SEMA3D: variants seen among roughly 807,000 people sequenced by gnomAD.
The protein encoded by SEMA3D is semaphorin 3D.
Under a neutral mutation model 100.1 loss-of-function variants are expected in SEMA3D, and 84 were observed. That is an observed-to-expected ratio of 0.84 (90% CI 0.70 to 1.01). The LOEUF (loss-of-function observed/expected upper bound fraction) is 1.01. SEMA3D is among the 50% of genes least tolerant of loss of function. The probability of loss-of-function intolerance (pLI) is 0.00; values close to 1 mark genes in which losing one functional copy is unlikely to be tolerated. For missense variants in SEMA3D, 875 were observed against 934.1 expected (o/e 0.94, Z 0.82); for synonymous variants, 312 against 320.7 (o/e 0.97, Z 0.29).
chr7:85,029,729 A>G, intron 12 of SEMA3D: 1 of 278,906 alleles, frequency 3.6e-6, no homozygotes, highest in South Asian at 3.8e-5. Context: ...ATTCTTCTAC[A>G]TAGTTAAAAC....
At chr7:85,055,181 G>C (rs900575697) in intron 9 of SEMA3D, among the ~76,000 whole-genome samples, 1 of 152,048 alleles carries the variant, frequency 6.6e-6, no homozygotes, top group African/African-American at 2.4e-5. Context: ...TGCATGTAAT[G>C]ATATATAATT....
intron 12 of SEMA3D, chr7:85,028,254 G>A: frequency 1.4e-6 from 1 of 693,090 alleles, no homozygotes; most frequent in Non-Finnish European, 2.6e-6. Flanking sequence ...CCAATGCTGT[G>A]GTCACAGTGC....
At position 84,998,756 on chromosome 7, in the gene SEMA3D, A is replaced by G. The variant is rs553199199; in HGVS notation, c.*684T>C. ...TAGTATATACTCTAAAAAACACATA[A>G]CTAAGCACCAACTTCTCTCTGTGAA... is the stretch of plus-strand genomic sequence containing the variant. On this transcript the variant is annotated 3_prime_UTR_variant, in exon 19 of 19. Transcript: ENST00000284136. 1 of 152,460 alleles carries G rather than the reference A, an allele frequency of 6.6e-6. No individual in the cohort carries two copies. Among genetic ancestry groups the G allele is most frequent in the African/African-American group, 2.4e-5 (1 of 41,556 alleles). 9.4% of individuals were successfully genotyped at this position (152,460 alleles called of 1,614,324 possible). A position where few individuals can be genotyped will look rare whatever the true frequency, so the allele number is the denominator to read the frequency against.
intron 17 of SEMA3D, among the ~76,000 whole-genome samples, chr7:85,011,912 A>G (rs866628223): frequency 6.6e-6 from 1 of 151,664 alleles, no homozygotes; most frequent in Non-Finnish European, 1.5e-5. Context: ...TAACATTGTG[A>G]TAAATGTGTT....
intron 3 of SEMA3D, 129 bp from the exon 4 acceptor site, chr7:85,098,094 A>G (rs1788624150): frequency 5.1e-6 from 3 of 588,308 alleles, no homozygotes; most frequent in Non-Finnish European, 8.3e-6. Context: ...GAAAGAAAAA[A>G]GAAAGAAAGA....
chr7:85,204,621 A>G, the SEMA3D span, among the ~76,000 whole-genome samples: 3 of 152,072 alleles, frequency 2.0e-5, no homozygotes, highest in South Asian at 2.1e-4. Flanking sequence ...GTTGATTACT[A>G]TGTTCATCAA....
the SEMA3D span, among the ~76,000 whole-genome samples, chr7:85,221,700 T>C: frequency 6.6e-6 from 1 of 152,084 alleles, no homozygotes; most frequent in African/African-American, 2.4e-5. Context: ...CAAATAATGT[T>C]ATGAGTATCT....
chr7:85,171,958 TGG>T lies in SEMA3D; in HGVS notation c.-173+14718_-173+14719del, dbSNP rs571362079. ...CATGCTAAAGCGGTGTGTGTGTGTG[TGG>T]GTGTGTGTGTGGGTGTGTGTGTGTA... is the stretch of plus-strand genomic sequence containing the variant. On this transcript the variant is annotated intron_variant, in intron 1 of 18. Coordinates refer to ENST00000284136, the MANE Select transcript of SEMA3D (RefSeq NM_001384900.1). Among the ~76,000 whole-genome samples, 531 of 150,796 alleles carry T rather than the reference TGG, an allele frequency of 3.5e-3. 8 individuals carry two copies. In the South Asian group the frequency reaches 0.04, roughly 11 times the overall value.
At chr7:85,018,106 C>T in intron 15 of SEMA3D, 146 bp downstream of exon 15, 1 of 652,878 alleles carries the variant, frequency 1.5e-6, no homozygotes, top group Non-Finnish European at 2.8e-6. Flanking sequence ...AAACAATGGT[C>T]TCTAATGAAT....
chr7:85,063,996 G>A (rs1791545657), intron 8 of SEMA3D, among the ~76,000 whole-genome samples: 1 of 152,054 alleles, frequency 6.6e-6, no homozygotes, highest in South Asian at 2.1e-4. Context: ...CCAATTCAAA[G>A]GCTTCCTAAT....
Position 85,145,750 on chromosome 7 carries a change from C to A in SEMA3D, c.-41+7858G>T, listed in dbSNP as rs184362258. On this transcript the variant is annotated intron_variant, in intron 2 of 18. Transcript: ENST00000284136. ...TTGAGATTAAAAACACACTGTCATC[C>A]CTCAAGATTCGTGGGATATTGATTC... 2.2e-3 allele frequency among the ~76,000 whole-genome samples: 333 copies of A among 152,160 alleles called. 2 individuals are homozygous for A. The highest frequency in any genetic ancestry group is 7.9e-3 in the African/African-American group (328 of 41,540).
At chr7:85,236,281 TTTTATTTATTTATTTATTTA>T in the SEMA3D span, among the ~76,000 whole-genome samples, 1 of 131,976 alleles carries the variant, frequency 7.6e-6, no homozygotes, top group Non-Finnish European at 1.5e-5. Context: ...TTTTATTTTA[TTTTATTTATTTATTTATTTA>T]TTTATTTATT....
intron 9 of SEMA3D, among the ~76,000 whole-genome samples, chr7:85,054,566 T>C (rs1353422023): frequency 1.3e-5 from 2 of 152,112 alleles, no homozygotes; most frequent in African/African-American, 2.4e-5. Flanking sequence ...GCTAGGACAC[T>C]AGGTAAAGAA....
rs1418169659 is a variant in SEMA3D at position 85,029,163 on chromosome 7, C to G, written c.1192-6550G>C. 5 of 649,640 alleles carry G rather than the reference C, an allele frequency of 7.7e-6. No individual in the cohort carries two copies. In the East Asian group the frequency reaches 1.4e-4, roughly 18 times the overall value. The allele number at this position is 649,640 out of a possible 1,614,324, so 40.2% of individuals were successfully genotyped here. A position where few individuals can be genotyped will look rare whatever the true frequency, so the allele number is the denominator to read the frequency against. On this transcript the variant is annotated intron_variant, in intron 12 of 18. Coordinates refer to ENST00000284136, the MANE Select transcript of SEMA3D (RefSeq NM_001384900.1). ...CATTGCCAAGGATAAAAACCTACTT[C>G]GCAAGTTTGAGCTCACAGGCGTACC... is the stretch of plus-strand genomic sequence containing the variant.
chr7:85,189,035 G>A (rs1791637287), upstream of SEMA3D, among the ~76,000 whole-genome samples: 1 of 152,076 alleles, frequency 6.6e-6, no homozygotes, highest in South Asian at 2.1e-4. Context: ...TTCAAATTTA[G>A]ACAGAATTTA....
At chr7:85,203,127 T>C in the SEMA3D span, among the ~76,000 whole-genome samples, 1 of 152,162 alleles carries the variant, frequency 6.6e-6, no homozygotes, top group African/African-American at 2.4e-5. Context: ...CTCAAAAATA[T>C]GGGATTAAGC....
At chr7:85,208,859 A>C in the SEMA3D span, among the ~76,000 whole-genome samples, 3 of 152,112 alleles carry the variant, frequency 2.0e-5, no homozygotes, top group African/African-American at 7.2e-5. Context: ...ACGCAATACT[A>C]CAAATAATCT....
At chr7:85,103,515 T>C (rs1788813404) in intron 3 of SEMA3D, among the ~76,000 whole-genome samples, 1 of 152,044 alleles carries the variant, frequency 6.6e-6, no homozygotes. Context: ...AGGCCAGCTC[T>C]GTGCTTGGTT....
upstream of SEMA3D, among the ~76,000 whole-genome samples, chr7:85,190,929 T>A (rs1791682090): frequency 6.6e-6 from 1 of 152,092 alleles, no homozygotes; most frequent in Non-Finnish European, 1.5e-5. Flanking sequence ...GACATAGTTA[T>A]CACTCAGCTC....
Sources: gnomAD v4.1 joint callset for allele counts (sites outside exome capture counted in the v4.1 genomes callset) on GRCh38, gnomAD v4.1.1 for gene constraint, MANE v1.5 for transcripts, NCBI Gene and HGNC (gene_info 2026-07-23, HGNC 2026-07-21) for gene names.